Variants in PDE4B observed in about 807,000 individuals in gnomAD.
PDE4B encodes phosphodiesterase 4B, also known as 3',5'-cyclic-AMP phosphodiesterase 4B.
Under a neutral mutation model 82.2 loss-of-function variants are expected in PDE4B, and 20 were observed. The ratio of observed to expected loss-of-function variants is 0.24; its 90% CI spans 0.17 to 0.35. The LOEUF is 0.35. Among genes scored for constraint, PDE4B ranks in the 10% least tolerant of loss-of-function variants. The probability of loss-of-function intolerance (pLI) is 1.00; values close to 1 mark genes in which losing one functional copy is unlikely to be tolerated. For missense variants in PDE4B, 655 were observed against 907.2 expected, an observed-to-expected ratio of 0.72 and a Z score of 3.57; for synonymous variants, 320 against 318.9, an observed-to-expected ratio of 1.00 and a Z score of -0.04.
chr1:65,839,057 T>C (rs894706800), intron 1 of PDE4B, among the ~76,000 whole-genome samples: 14 of 152,134 alleles, frequency 9.2e-5, no homozygotes, highest in African/African-American at 3.4e-4. Context: ...AGTAGGTGTG[T>C]AAGATATCGA....
At chr1:66,093,662 A>G (rs1409752240) in intron 3 of PDE4B, among the ~76,000 whole-genome samples, 1 of 152,082 alleles carries the variant, frequency 6.6e-6, no homozygotes, top group Non-Finnish European at 1.5e-5. Context: ...TAGTTGAAGA[A>G]AATGCCTTCT....
intron 3 of PDE4B, among the ~76,000 whole-genome samples, chr1:66,188,716 G>A (rs1479060122): frequency 3.3e-5 from 5 of 151,524 alleles, no homozygotes; most frequent in African/African-American, 4.8e-5. Context: ...TTTATTTTGA[G>A]CCTATGTGTG....
At chr1:66,014,923 G>A (rs1652686164) in intron 3 of PDE4B, among the ~76,000 whole-genome samples, 1 of 152,156 alleles carries the variant, frequency 6.6e-6, no homozygotes. Context: ...GGAAGTACAG[G>A]TTATGTTGTA....
At chr1:66,058,525 C>T (rs752810804) in intron 3 of PDE4B, among the ~76,000 whole-genome samples, 26 of 152,248 alleles carry the variant, frequency 1.7e-4, no homozygotes, top group Non-Finnish European at 2.6e-4. Context: ...AAACTTTTGC[C>T]TGGGCATGCA....
chr1:66,227,074 A>G (rs921546894), intron 3 of PDE4B, among the ~76,000 whole-genome samples: 1 of 152,248 alleles, frequency 6.6e-6, no homozygotes, highest in Non-Finnish European at 1.5e-5. Flanking sequence ...GCTAGACAAG[A>G]GTGTCATTGA....
intron 3 of PDE4B, among the ~76,000 whole-genome samples, chr1:66,145,797 G>T (rs1245748053): frequency 6.6e-6 from 1 of 152,180 alleles, no homozygotes; most frequent in Non-Finnish European, 1.5e-5. Context: ...TTACAGCTTT[G>T]CTTCCCACAG....
chr1:66,211,028 A>G (rs1318294588), intron 3 of PDE4B, among the ~76,000 whole-genome samples: 5 of 152,192 alleles, frequency 3.3e-5, no homozygotes, highest in African/African-American at 1.2e-4. Flanking sequence ...CTTGCCTTCT[A>G]ATTATGACAT....
At chr1:65,929,113 T>A (rs1159450804) in intron 3 of PDE4B, among the ~76,000 whole-genome samples, 1 of 152,142 alleles carries the variant, frequency 6.6e-6, no homozygotes, top group Non-Finnish European at 1.5e-5. Context: ...CCGCCGGGAC[T>A]TTAGTCTAGT....
chr1:66,016,277 A>C (rs1652771012), intron 3 of PDE4B, among the ~76,000 whole-genome samples: 1 of 152,212 alleles, frequency 6.6e-6, no homozygotes, highest in Admixed American at 6.5e-5. Flanking sequence ...GAGACTCATT[A>C]ATTCAGTCTC....
At chr1:65,990,424 G>C (rs1651181888) in intron 3 of PDE4B, among the ~76,000 whole-genome samples, 2 of 151,930 alleles carry the variant, frequency 1.3e-5, no homozygotes, top group Non-Finnish European at 2.9e-5. Flanking sequence ...AAATTGCTGG[G>C]GTTTTTTTTG....
intron 8 of PDE4B, chr1:66,354,941 G>GT: frequency 6.7e-7 from 1 of 1,495,660 alleles, no homozygotes; most frequent in Non-Finnish European, 9.0e-7. Flanking sequence ...AATGTGAAAC[G>GT]TACCTCTGTG....
At chr1:66,054,489 G>A (rs1457050142) in intron 3 of PDE4B, among the ~76,000 whole-genome samples, 1 of 152,112 alleles carries the variant, frequency 6.6e-6, no homozygotes, top group Non-Finnish European at 1.5e-5. Flanking sequence ...TCAACATAGT[G>A]CCTATATCTT....
At chr1:66,189,095 C>G (rs982693223) in intron 3 of PDE4B, among the ~76,000 whole-genome samples, 10 of 151,842 alleles carry the variant, frequency 6.6e-5, no homozygotes, top group African/African-American at 9.7e-5. Context: ...ACTTATGAAG[C>G]TTAGTTTGGC....
chr1:66,211,358 C>CA (rs753064870), intron 3 of PDE4B, among the ~76,000 whole-genome samples: 35 of 152,280 alleles, frequency 2.3e-4, no homozygotes, highest in South Asian at 1.7e-3. Flanking sequence ...TTTAAACTCT[C>CA]AAAACCTATC....
At chr1:65,991,612 A>G (rs1416902873) in intron 3 of PDE4B, among the ~76,000 whole-genome samples, 4 of 152,146 alleles carry the variant, frequency 2.6e-5, no homozygotes, top group Non-Finnish European at 5.9e-5. Context: ...AAGCACCACT[A>G]TATTGTTTCT....
At chr1:66,068,088 T>C (rs1655959174) in intron 3 of PDE4B, among the ~76,000 whole-genome samples, 1 of 110,448 alleles carries the variant, frequency 9.1e-6, no homozygotes, top group Non-Finnish European at 1.9e-5. Flanking sequence ...AAACTTAAAG[T>C]ATAATAATAA....
chr1:65,936,611 A>C (rs1468296661), intron 3 of PDE4B, among the ~76,000 whole-genome samples: 1 of 152,204 alleles, frequency 6.6e-6, no homozygotes, highest in African/African-American at 2.4e-5. Flanking sequence ...TGAAACACAG[A>C]TTGCTGGACC....
chr1:65,965,783 C>T (rs1161645353), intron 3 of PDE4B, among the ~76,000 whole-genome samples: 1 of 152,040 alleles, frequency 6.6e-6, no homozygotes, highest in Admixed American at 6.6e-5. Flanking sequence ...ATAAACAGAA[C>T]CAACGACAAA....
Position 65,921,178 on chromosome 1 carries a change from C to T in PDE4B, c.281+2343C>T, listed in dbSNP as rs368833808. Among the ~76,000 whole-genome samples, 351 of 151,454 alleles carry T rather than the reference C, an allele frequency of 2.3e-3. 10 individuals carry two copies. In the South Asian group the frequency reaches 0.069, roughly 30 times the overall value. ...AGAGACGGGGTTTCACCGTTTTAGC[C>T]GGGATGGTCTCGATCTCCTGACCTC... On this transcript the variant is annotated intron_variant, in intron 3 of 16. Coordinates refer to ENST00000341517, the MANE Select transcript of PDE4B (RefSeq NM_002600.4).
Sources: gnomAD v4.1 joint callset for allele counts (sites outside exome capture counted in the v4.1 genomes callset) on GRCh38, gnomAD v4.1.1 for gene constraint, MANE v1.5 for transcripts, NCBI Gene and HGNC (gene_info 2026-07-23, HGNC 2026-07-21) for gene names.